Variants in TSNAX observed in about 807,000 individuals in gnomAD.
The protein encoded by TSNAX is translin associated factor X, also known as translin-associated protein X.
A neutral mutation model predicts 33.0 loss-of-function variants in TSNAX; 12 were observed. The ratio of observed to expected loss-of-function variants is 0.36; its 90% confidence interval spans 0.23 to 0.59. TSNAX has a LOEUF of 0.59. Ranked by LOEUF, TSNAX falls within the 20% of genes least tolerant of loss-of-function variation. TSNAX has a pLI of 0.74. For synonymous variants in TSNAX, 110 were observed against 117.2 expected (o/e 0.94, Z 0.40); for missense variants, 267 against 341.3 (o/e 0.78, Z 1.72).
At chr1:231,538,433 GAGC>G (rs1659334023) in intron 3 of TSNAX, among the ~76,000 whole-genome samples, 1 of 152,216 alleles carries the variant, frequency 6.6e-6, no homozygotes, top group Non-Finnish European at 1.5e-5. Flanking sequence ...ACTATCTTAT[GAGC>G]AGCTGAGGAT....
Position 231,539,847 on chromosome 1 carries a change from A to G in TSNAX, c.236+2520A>G, listed in dbSNP as rs1027538083. On this transcript the variant is annotated intron_variant, in intron 3 of 5. Transcript: ENST00000366639. ...GAAAAATAAGAAACTTAAGAAAAAA[A>G]TAGAAACTTTAGAAATATTAGAAAC... Among the ~76,000 whole-genome samples, 8 of 152,282 alleles carry G rather than the reference A, an allele frequency of 5.3e-5. 1 individual carries two copies. Among genetic ancestry groups the G allele is most frequent in the Non-Finnish European group, 8.8e-5 (6 of 68,014 alleles).
At chr1:231,558,572 A>C (rs1468957821) in intron 4 of TSNAX, among the ~76,000 whole-genome samples, 1 of 152,114 alleles carries the variant, frequency 6.6e-6, no homozygotes, top group Admixed American at 6.5e-5. Context: ...ATCTTTGTGC[A>C]TATCTTCTTG....
intron 2 of TSNAX, among the ~76,000 whole-genome samples, chr1:231,531,357 T>C (rs1658702927): frequency 6.6e-6 from 1 of 152,208 alleles, no homozygotes; most frequent in African/African-American, 2.4e-5. Context: ...ACATGAAATA[T>C]TTATTGAGTA....
chr1:231,528,764 C>T lies in TSNAX; in HGVS notation c.-47C>T. Reference sequence around the variant, plus strand: ...GCCTGTACCTCGCGCACTCCTCTTGCTCCAGGTCCTTCAGTCTCCGCTCGT... The same window carrying T: ...GCCTGTACCTCGCGCACTCCTCTTGTTCCAGGTCCTTCAGTCTCCGCTCGT... On this transcript the variant is annotated 5_prime_UTR_variant, in exon 1 of 6. Transcript: ENST00000366639. 3.1e-6 allele frequency: 5 copies of T among 1,613,724 alleles called. No individual in the cohort carries two copies. The highest frequency in any genetic ancestry group is 2.5e-6 in the Non-Finnish European group (3 of 1,179,812).
At chr1:231,535,475 T>C (rs556144456) in intron 2 of TSNAX, 2 of 152,360 alleles carry the variant, frequency 1.3e-5, no homozygotes, top group East Asian at 3.8e-4. Context: ...TAATGAAAGC[T>C]TGTTCTTTAA....
At chr1:231,543,278 T>G (rs2124906281) in intron 4 of TSNAX, among the ~76,000 whole-genome samples, 1 of 151,770 alleles carries the variant, frequency 6.6e-6, no homozygotes, top group South Asian at 2.1e-4. Context: ...TCCTCTTTCT[T>G]CTTTTTCTAA....
intron 2 of TSNAX, chr1:231,535,383 A>G (rs529967001): frequency 1.3e-5 from 2 of 152,144 alleles, no homozygotes; most frequent in South Asian, 2.1e-4. Flanking sequence ...CTTTTAAACA[A>G]TAATACAAAG....
chr1:231,530,334 A>G (rs1013813615), intron 2 of TSNAX, among the ~76,000 whole-genome samples: 4 of 152,232 alleles, frequency 2.6e-5, no homozygotes, highest in East Asian at 1.9e-4. Flanking sequence ...CCACCACAGT[A>G]TCTACTGTGA....
chr1:231,540,946 T>C (rs1391100082), intron 3 of TSNAX, among the ~76,000 whole-genome samples: 1 of 152,250 alleles, frequency 6.6e-6, no homozygotes, highest in Middle Eastern at 3.2e-3. Context: ...TTGATTGTTA[T>C]TAGAACGTAT....
At chr1:231,537,451 T>TA in intron 3 of TSNAX, 124 bp downstream of exon 3, 1 of 625,862 alleles carries the variant, frequency 1.6e-6, no homozygotes. Context: ...TTAATAAAAA[T>TA]AGGTCTCAGC....
At chr1:231,560,147 GT>G (rs948881406) in intron 4 of TSNAX, among the ~76,000 whole-genome samples, 3 of 149,332 alleles carry the variant, frequency 2.0e-5, no homozygotes, top group African/African-American at 7.4e-5. Flanking sequence ...GCCCGGCTAA[GT>G]TTTTTTATTT....
At chr1:231,552,333 C>T (rs1660372754) in intron 4 of TSNAX, among the ~76,000 whole-genome samples, 1 of 152,042 alleles carries the variant, frequency 6.6e-6, no homozygotes, top group Non-Finnish European at 1.5e-5. Flanking sequence ...AGACAAAATC[C>T]AAATTAGTGG....
At position 231,555,106 on chromosome 1, in the gene TSNAX, G is replaced by A. The variant is rs373294591; in HGVS notation, c.368-6022G>A. ...AGCACGACTTGAACAGGTATGAATA[G>A]TCATGTTTACAGCAGCATTACTTAG... On this transcript the variant is annotated intron_variant, in intron 4 of 5. Transcript: ENST00000366639. 1.6e-3 allele frequency among the ~76,000 whole-genome samples: 245 copies of A among 152,242 alleles called. 2 individuals are homozygous for A. Among genetic ancestry groups the A allele is most frequent in the African/African-American group, 5.5e-3 (229 of 41,552 alleles).
rs1553265100 is a variant in TSNAX, at chr1:231,532,159, C to CACACACACACACACAT, written c.121+2815_121+2816insTACACACACACACACA. On this transcript the variant is annotated intron_variant, in intron 2 of 5. Coordinates refer to ENST00000366639, the MANE Select transcript of TSNAX (RefSeq NM_005999.3). The stretch of plus-strand genomic sequence containing the variant: ...ACACACACACACACACACACACACA[C>CACACACACACACACAT]ACACACACACACACACACACACACA... 6.3e-4 allele frequency among the ~76,000 whole-genome samples: 56 copies of CACACACACACACACAT among 89,342 alleles called. 1 individual carries two copies. Among genetic ancestry groups the CACACACACACACACAT allele is most frequent in the African/African-American group, 1.9e-3 (49 of 26,010 alleles). The allele number at this position is 89,342 out of a possible 152,430, so 58.6% of individuals were successfully genotyped here. A position where few individuals can be genotyped will look rare whatever the true frequency, so the allele number is the denominator to read the frequency against.
chr1:231,532,450 C>T (rs967203647), intron 2 of TSNAX, among the ~76,000 whole-genome samples: 29 of 152,064 alleles, frequency 1.9e-4, no homozygotes, highest in African/African-American at 6.8e-4. Context: ...CCCTTGGCCT[C>T]CCAAAGTGCT....
At chr1:231,556,587 T>A (rs1660710625) in intron 4 of TSNAX, among the ~76,000 whole-genome samples, 1 of 152,208 alleles carries the variant, frequency 6.6e-6, no homozygotes, top group African/African-American at 2.4e-5. Flanking sequence ...CCCCTTTCCA[T>A]GTAAGGCTGC....
At chr1:231,529,549 T>A (rs1403233048) in intron 2 of TSNAX, among the ~76,000 whole-genome samples, 190 bp downstream of exon 2, 1 of 152,238 alleles carries the variant, frequency 6.6e-6, no homozygotes. Context: ...AGAGAAATAT[T>A]AGTAATCAGG....
At chr1:231,549,221 G>A (rs1660143505) in intron 4 of TSNAX, among the ~76,000 whole-genome samples, 2 of 152,118 alleles carry the variant, frequency 1.3e-5, no homozygotes, top group South Asian at 4.1e-4. Context: ...TGAGGTGGGC[G>A]GATCACAAGG....
intron 3 of TSNAX, among the ~76,000 whole-genome samples, chr1:231,538,222 T>C (rs1316874370): frequency 6.6e-6 from 1 of 152,242 alleles, no homozygotes; most frequent in Non-Finnish European, 1.5e-5. Flanking sequence ...GACTTCGTGA[T>C]TGCAAGTAAA....
Sources: gnomAD v4.1 joint callset for allele counts (sites outside exome capture counted in the v4.1 genomes callset) on GRCh38, gnomAD v4.1.1 for gene constraint, MANE v1.5 for transcripts, NCBI Gene and HGNC (gene_info 2026-07-23, HGNC 2026-07-21) for gene names.